Variants in UGT1A6 observed in about 807,000 individuals in gnomAD.
UGT1A6 encodes UDP glucuronosyltransferase family 1 member A6.
Under a neutral mutation model 44.4 loss-of-function variants are expected in UGT1A6, and 32 were observed. That is an observed-to-expected ratio of 0.72 (90% CI 0.54 to 0.97). The LOEUF (loss-of-function observed/expected upper bound fraction) is 0.97, where lower values mean the gene tolerates loss of function less well. UGT1A6 is among the 50% of genes least tolerant of loss of function. The pLI is 0.00. For synonymous variants in UGT1A6, 238 were observed against 248.5 expected, an observed-to-expected ratio of 0.96 and a Z score of 0.40; for missense variants, 685 against 661.9, an observed-to-expected ratio of 1.03 and a Z score of -0.38.
At chr2:233,713,459 C>G (rs765192801) in intron 1 of UGT1A6, 52 of 1,614,154 alleles carry the variant, frequency 3.2e-5, no homozygotes, top group Non-Finnish European at 4.3e-5. Flanking sequence ...CCTTTCACCT[C>G]TGCGCGGCGG....
intron 4 of UGT1A6, 106 bp from the exon 5 acceptor site, chr2:233,772,156 C>G: frequency 6.4e-7 from 1 of 1,560,932 alleles, no homozygotes; most frequent in Non-Finnish European, 8.7e-7. Context: ...GTTTCCTTTC[C>G]CAAGTTTGGA....
At chr2:233,740,906 T>C (rs1395590000) in intron 1 of UGT1A6, 5 of 141,866 alleles carry the variant, frequency 3.5e-5, no homozygotes, top group East Asian at 3.9e-4. Flanking sequence ...TAGGTCAACA[T>C]TGTTCCCATC....
At chr2:233,700,989 G>A (rs1010357196) in intron 1 of UGT1A6, among the ~76,000 whole-genome samples, 4 of 152,026 alleles carry the variant, frequency 2.6e-5, no homozygotes, top group African/African-American at 7.2e-5. Flanking sequence ...TTGTCCTTGC[G>A]ATAGTTTGCT....
At chr2:233,736,459 C>G (rs1461778368) in intron 1 of UGT1A6, among the ~76,000 whole-genome samples, 5 of 152,202 alleles carry the variant, frequency 3.3e-5, no homozygotes, top group Admixed American at 3.3e-4. Flanking sequence ...TTCGAACATG[C>G]ACTTTTAGCT....
At chr2:233,718,891 C>G (rs1334385335) in intron 1 of UGT1A6, 1 of 1,613,878 alleles carries the variant, frequency 6.2e-7, no homozygotes, top group African/African-American at 1.3e-5. Context: ...AGTGTCCAGC[C>G]CTGGGCTGAG....
At chr2:233,694,502 C>T (rs28898577) in intron 1 of UGT1A6, among the ~76,000 whole-genome samples, 1,914 of 152,186 alleles carry the variant, frequency 0.013, 39 homozygotes, top group African/African-American at 0.043. Context: ...TTTACAGATG[C>T]CCTCCTGACA....
chr2:233,760,380 G>A, intron 1 of UGT1A6: 1 of 1,614,192 alleles, frequency 6.2e-7, no homozygotes, highest in Non-Finnish European at 8.5e-7. Flanking sequence ...GGAAGATACT[G>A]TTGATCCCAG....
At chr2:233,758,130 G>A (rs1468544509) in intron 1 of UGT1A6, among the ~76,000 whole-genome samples, 2 of 152,174 alleles carry the variant, frequency 1.3e-5, no homozygotes, top group African/African-American at 4.8e-5. Flanking sequence ...ATAAATATTT[G>A]GCAGATGAGG....
At chr2:233,722,318 G>A (rs1376337551) in intron 1 of UGT1A6, among the ~76,000 whole-genome samples, 1 of 152,064 alleles carries the variant, frequency 6.6e-6, no homozygotes, top group Non-Finnish European at 1.5e-5. Context: ...TACTTGGTTT[G>A]GTTGACCCTT....
intron 1 of UGT1A6, among the ~76,000 whole-genome samples, chr2:233,699,970 C>T (rs1456115937): frequency 6.6e-6 from 1 of 152,176 alleles, no homozygotes; most frequent in African/African-American, 2.4e-5. Flanking sequence ...ACCCGTCCCC[C>T]AACTCCCAAC....
At chr2:233,746,697 A>G (rs1693455555) in intron 1 of UGT1A6, among the ~76,000 whole-genome samples, 1 of 151,702 alleles carries the variant, frequency 6.6e-6, no homozygotes, top group African/African-American at 2.4e-5. Context: ...CATTCCATAA[A>G]TATTTGGTGG....
At chr2:233,763,415 C>T (rs1277371697) in intron 1 of UGT1A6, among the ~76,000 whole-genome samples, 1 of 152,156 alleles carries the variant, frequency 6.6e-6, no homozygotes, top group Non-Finnish European at 1.5e-5. Flanking sequence ...ATTTTTAATC[C>T]AGTCAGGCAG....
At chr2:233,729,139 C>G (rs527426104) in intron 1 of UGT1A6, 1 of 1,613,374 alleles carries the variant, frequency 6.2e-7, no homozygotes, top group Admixed American at 1.7e-5. Context: ...GGCCACAGGA[C>G]TCCAGGTTCC....
intron 1 of UGT1A6, among the ~76,000 whole-genome samples, chr2:233,700,963 T>G (rs1349479998): frequency 6.6e-6 from 1 of 151,662 alleles, no homozygotes; most frequent in Admixed American, 6.6e-5. Flanking sequence ...AGTGAGAACA[T>G]GCGGTGTTTG....
rs1257445650 is a variant in UGT1A6, at chr2:233,733,217, A to G, written c.862-33817A>G. Among the ~76,000 whole-genome samples, 5 of 152,274 alleles carry G rather than the reference A, an allele frequency of 3.3e-5. 1 individual carries two copies. The highest frequency in any genetic ancestry group is 2.0e-4 in the Admixed American group (3 of 15,300). On this transcript the variant is annotated intron_variant, in intron 1 of 4. Coordinates refer to ENST00000305139, the MANE Select transcript of UGT1A6 (RefSeq NM_001072.4). ...CTTAAGGAGACTTTGGGCTGAGACA[A>G]TGGGGTTTTCTAAATATACAATCAT...
chr2:233,729,571 G>GT (rs780418650), intron 1 of UGT1A6: 6 of 1,613,982 alleles, frequency 3.7e-6, no homozygotes, highest in Non-Finnish European at 4.2e-6. Flanking sequence ...CTTTGATGTG[G>GT]TTTTAACAGA....
intron 1 of UGT1A6, chr2:233,747,282 G>A: frequency 6.2e-7 from 1 of 1,600,800 alleles, no homozygotes; most frequent in Non-Finnish European, 8.5e-7. Context: ...TCAGTGCCCA[G>A]CCCTGGGCTG....
At chr2:233,757,773 G>A (rs1419561449) in intron 1 of UGT1A6, among the ~76,000 whole-genome samples, 2 of 151,708 alleles carry the variant, frequency 1.3e-5, no homozygotes, top group African/African-American at 2.4e-5. Context: ...TTAGTAATAA[G>A]CCTGTCATTC....
chr2:233,769,464 CGTGT>C lies in UGT1A6; in HGVS notation c.1301+1037_1301+1040del, dbSNP rs145239529. ...GGGTGCACACGTGTGCATTCATATG[CGTGT>C]GTGTGTGTGTGCGTGTGTTTATGAG... On this transcript the variant is annotated intron_variant, in intron 4 of 4. Coordinates refer to ENST00000305139, the MANE Select transcript of UGT1A6 (RefSeq NM_001072.4). This position sits in a 1 kb window ranked among gnomAD's most constrained non-coding sequence, Gnocchi z 4.4. The C allele has an allele frequency of 5.3e-6, 8 of 1,502,902 alleles. No individual in the cohort carries two copies. The highest frequency in any genetic ancestry group is 6.4e-6 in the Non-Finnish European group (7 of 1,095,102). The allele number at this position is 1,502,902 out of a possible 1,614,324, so 93.1% of individuals were successfully genotyped here.
Sources: allele counts gnomAD v4.1 joint callset (sites outside exome capture counted in the v4.1 genomes callset), GRCh38; gene constraint gnomAD v4.1.1; non-coding constraint Gnocchi (gnomAD v3.1); transcripts MANE v1.5; gene names NCBI Gene and HGNC (gene_info 2026-07-23, HGNC 2026-07-21).